Variants in CLIC5 observed in about 807,000 individuals in gnomAD.
CLIC5 encodes CLIC family member 5.
In CLIC5, 20 loss-of-function variants were observed where a neutral mutation model predicts 24.7. The ratio of observed to expected loss-of-function variants is 0.81; its 90% confidence interval spans 0.57 to 1.18. The LOEUF (loss-of-function observed/expected upper bound fraction) is 1.18, where lower values mean the gene tolerates loss of function less well. CLIC5 is among the 50% of genes most tolerant of loss of function. The pLI, the probability that CLIC5 is intolerant of heterozygous loss-of-function variation, is 0.00. For synonymous variants in CLIC5, 159 were observed against 135.6 expected (o/e 1.17, Z -1.20); for missense variants, 341 against 326.1 (o/e 1.05, Z -0.35).
intron 5 of CLIC5, among the ~76,000 whole-genome samples, chr6:45,913,972 G>A (rs1762915226): frequency 6.6e-6 from 1 of 152,172 alleles, no homozygotes; most frequent in Non-Finnish European, 1.5e-5. Flanking sequence ...AATATGCCAA[G>A]CACTTTCACG....
At chr6:45,969,604 A>G (rs1765129311) in intron 1 of CLIC5, among the ~76,000 whole-genome samples, 1 of 152,102 alleles carries the variant, frequency 6.6e-6, no homozygotes, top group Non-Finnish European at 1.5e-5. Flanking sequence ...TCGTGAACGT[A>G]TGTAATTTAG....
intron 1 of CLIC5, among the ~76,000 whole-genome samples, chr6:45,974,514 TATATATATAGAGAGAGAGAGAG>T (rs1765316059): frequency 1.1e-5 from 1 of 92,628 alleles, no homozygotes; most frequent in Non-Finnish European, 2.1e-5. Context: ...TATATATATA[TATATATATAGAGAGAGAGAGAG>T]AGAGAGAGAG....
At chr6:45,921,685 G>T (rs1763267537) in intron 4 of CLIC5, among the ~76,000 whole-genome samples, 1 of 152,006 alleles carries the variant, frequency 6.6e-6, no homozygotes, top group East Asian at 1.9e-4. Flanking sequence ...GCATGTTCCA[G>T]GTCCAAGGAG....
Position 45,945,693 on chromosome 6 carries a change from T to C in CLIC5, c.299+3563A>G, listed in dbSNP as rs560755435. Among the ~76,000 whole-genome samples the C allele has an allele frequency of 2.0e-5, 3 of 152,288 alleles. No homozygotes were observed. The South Asian group carries it at 6.2e-4, about 32-fold the overall frequency. The stretch of plus-strand genomic sequence containing the variant: ...GGATTTGAACCCGAGTCACTCTGAC[T>C]CCAAACCTCCTGCCCCCAGCTACCA... On this transcript the variant is annotated intron_variant, in intron 3 of 5. Coordinates refer to ENST00000339561, the MANE Select transcript of CLIC5 (RefSeq NM_016929.5).
At chr6:45,978,876 G>A (rs998875676) in intron 1 of CLIC5, among the ~76,000 whole-genome samples, 6 of 151,978 alleles carry the variant, frequency 3.9e-5, no homozygotes, top group South Asian at 2.1e-4. Context: ...CTTGAACCCA[G>A]GATGCGGAGG....
the CLIC5 span, among the ~76,000 whole-genome samples, chr6:46,090,812 C>A: frequency 6.6e-6 from 1 of 152,186 alleles, no homozygotes; most frequent in Non-Finnish European, 1.5e-5. Flanking sequence ...GTTTTAGGTT[C>A]AGCCTAAAGG....
downstream of CLIC5, among the ~76,000 whole-genome samples, chr6:45,894,917 G>A (rs996542360): frequency 3.3e-4 from 50 of 152,216 alleles, no homozygotes; most frequent in African/African-American, 1.2e-3. Context: ...TTTTTGTCTG[G>A]TCCTAGTATT....
At chr6:45,942,013 G>C (rs543831051) in intron 3 of CLIC5, among the ~76,000 whole-genome samples, 8 of 152,234 alleles carry the variant, frequency 5.3e-5, no homozygotes, top group African/African-American at 1.9e-4. Context: ...CTATCTGGTA[G>C]GGTTCTCAAC....
intron 1 of CLIC5, among the ~76,000 whole-genome samples, chr6:46,065,162 G>A (rs1011759635): frequency 2.0e-5 from 3 of 152,050 alleles, no homozygotes; most frequent in African/African-American, 7.2e-5. Flanking sequence ...ATAAGTACAT[G>A]AAAAGATGCT....
At chr6:45,921,243 T>C (rs3777554) in intron 4 of CLIC5, among the ~76,000 whole-genome samples, 43,272 of 152,056 alleles carry the variant, frequency 0.28, 6,557 homozygotes, top group East Asian at 0.48. Context: ...AAGTCAGAAA[T>C]GGCAGCAAGG....
chr6:45,995,169 G>A (rs1240333603), intron 1 of CLIC5, among the ~76,000 whole-genome samples: 1 of 152,158 alleles, frequency 6.6e-6, no homozygotes, highest in Non-Finnish European at 1.5e-5. Context: ...TGTATAAGCT[G>A]TGTGGCCTTG....
chr6:45,941,615 G>A lies in CLIC5; in HGVS notation c.338C>T (p.Thr113Ile). 1.2e-6 allele frequency: 2 copies of A among 1,614,008 alleles called. No homozygotes were observed. Among genetic ancestry groups the A allele is most frequent in the Non-Finnish European group, 1.7e-6 (2 of 1,179,948 alleles). ...KLAAKHRESN[T>I]AGIDIFSKFS... is the part of the protein sequence containing the mutation. ...CTTGGAAAAGATGTCGATGCCCGCTGTGTTGGATTCCCGGTGTTTTGCAGC... is the reference window on the plus strand; with the variant it reads ...CTTGGAAAAGATGTCGATGCCCGCTATGTTGGATTCCCGGTGTTTTGCAGC... Residue 113 changes from threonine to isoleucine, a missense_variant, in exon 4 of 6, where the codon ACA becomes ATA. Thr to Ile is a moderately conservative substitution (Grantham distance 89). Transcript: ENST00000339561.
intron 1 of CLIC5, among the ~76,000 whole-genome samples, chr6:46,056,772 T>C (rs1768269496): frequency 6.6e-6 from 1 of 152,218 alleles, no homozygotes; most frequent in South Asian, 2.1e-4. Context: ...TCAGTGACTA[T>C]AGCTATTATC....
intron 1 of CLIC5, among the ~76,000 whole-genome samples, chr6:46,034,207 T>C (rs1174485467): frequency 6.6e-6 from 1 of 152,208 alleles, no homozygotes; most frequent in Non-Finnish European, 1.5e-5. Flanking sequence ...TTTATTTCCA[T>C]CTCCCATCAC....
At chr6:46,111,836 G>A in the CLIC5 span, among the ~76,000 whole-genome samples, 1 of 152,084 alleles carries the variant, frequency 6.6e-6, no homozygotes. Context: ...TCTTTCCTGT[G>A]CTGTTCTCAT....
intron 1 of CLIC5, among the ~76,000 whole-genome samples, chr6:45,987,645 G>A (rs969684833): frequency 6.6e-6 from 1 of 152,174 alleles, no homozygotes; most frequent in Non-Finnish European, 1.5e-5. Flanking sequence ...CAAGATGCCG[G>A]CTAATTTGAT....
chr6:46,028,174 T>A (rs1767394464), intron 1 of CLIC5, among the ~76,000 whole-genome samples: 1 of 152,168 alleles, frequency 6.6e-6, no homozygotes, highest in African/African-American at 2.4e-5. Flanking sequence ...TGTCTCCTTG[T>A]GGGAAGTCAA....
intron 1 of CLIC5, among the ~76,000 whole-genome samples, chr6:46,025,047 T>C (rs1164733330): frequency 6.6e-6 from 1 of 152,142 alleles, no homozygotes; most frequent in Non-Finnish European, 1.5e-5. Flanking sequence ...TTGATTTTTT[T>C]TTCAAAAGAG....
intron 1 of CLIC5, among the ~76,000 whole-genome samples, chr6:45,961,175 C>G (rs1242904611): frequency 6.6e-6 from 1 of 152,204 alleles, no homozygotes; most frequent in African/African-American, 2.4e-5. Context: ...TCAGTTTTCT[C>G]AAGAAAGATA....
Sources: allele counts gnomAD v4.1 joint callset (sites outside exome capture counted in the v4.1 genomes callset), GRCh38; gene constraint gnomAD v4.1.1; transcripts MANE v1.5; gene names NCBI Gene and HGNC (gene_info 2026-07-23, HGNC 2026-07-21).